The following PLD5 variants were observed in gnomAD, a reference collection of about 807,000 sequenced individuals.
PLD5 encodes the protein inactive phospholipase D5.
A neutral mutation model predicts 61.1 loss-of-function variants in PLD5; 36 were observed. That is an observed-to-expected ratio of 0.59 (90% confidence interval 0.45 to 0.78). PLD5 has a LOEUF of 0.78. PLD5 is among the 30% of genes least tolerant of loss of function. The probability of loss-of-function intolerance (pLI) is 0.00; values close to 1 mark genes in which losing one functional copy is unlikely to be tolerated. For missense variants in PLD5, 515 were observed against 644.4 expected (o/e 0.80, Z 2.17); for synonymous variants, 243 against 242.8 (o/e 1.00, Z -0.01).
intron 1 of PLD5, among the ~76,000 whole-genome samples, chr1:242,414,877 TC>T (rs1486866650): frequency 6.6e-6 from 1 of 152,160 alleles, no homozygotes; most frequent in Non-Finnish European, 1.5e-5. Flanking sequence ...GCTACTTGTA[TC>T]ACAGATGAAG....
chr1:242,409,406 T>A (rs540647490), intron 1 of PLD5, among the ~76,000 whole-genome samples: 14 of 152,138 alleles, frequency 9.2e-5, no homozygotes, highest in Admixed American at 3.3e-4. Flanking sequence ...TCTCACATTC[T>A]CATTTATCAC....
At chr1:242,490,405 T>G (rs1477899863) in intron 1 of PLD5, among the ~76,000 whole-genome samples, 1 of 152,200 alleles carries the variant, frequency 6.6e-6, no homozygotes, top group Admixed American at 6.5e-5. Context: ...TAATTATGTG[T>G]GCACATACAA....
chr1:242,091,824 C>CTT (rs11371948), intron 9 of PLD5, among the ~76,000 whole-genome samples: 194 of 144,652 alleles, frequency 1.3e-3, no homozygotes, highest in Non-Finnish European at 2.1e-3. Context: ...CTTTTCTTTT[C>CTT]TTTTTTTCTT....
At chr1:242,100,473 T>C (rs1660595568) in intron 9 of PLD5, among the ~76,000 whole-genome samples, 195 bp downstream of exon 9, 1 of 152,216 alleles carries the variant, frequency 6.6e-6, no homozygotes, top group African/African-American at 2.4e-5. Flanking sequence ...AGTACATAAA[T>C]CAGGCCATGG....
At chr1:242,275,350 A>ATATT (rs1401460345) in intron 3 of PLD5, among the ~76,000 whole-genome samples, 2 of 152,008 alleles carry the variant, frequency 1.3e-5, no homozygotes, top group African/African-American at 2.4e-5. Flanking sequence ...TATAAGATTG[A>ATATT]TATTTATTTA....
At chr1:242,200,246 G>A (rs747351750) in intron 5 of PLD5, among the ~76,000 whole-genome samples, 4 of 152,268 alleles carry the variant, frequency 2.6e-5, no homozygotes, top group South Asian at 2.1e-4. Context: ...AAATGCCTGC[G>A]TTGATTTCAA....
At chr1:242,474,976 G>A (rs1667544013) in intron 1 of PLD5, among the ~76,000 whole-genome samples, 1 of 152,204 alleles carries the variant, frequency 6.6e-6, no homozygotes, top group African/African-American at 2.4e-5. Context: ...TGAGCTTAGA[G>A]GGCAGAGCTG....
intron 1 of PLD5, among the ~76,000 whole-genome samples, chr1:242,409,605 C>T (rs988883095): frequency 9.9e-5 from 15 of 152,070 alleles, no homozygotes; most frequent in African/African-American, 3.4e-4. Context: ...GAAGCTCCCC[C>T]ATACAGAGAG....
chr1:242,404,054 C>A (rs1385806061), intron 1 of PLD5, among the ~76,000 whole-genome samples: 1 of 152,126 alleles, frequency 6.6e-6, no homozygotes, highest in Non-Finnish European at 1.5e-5. Flanking sequence ...AGGCCTTATG[C>A]CAGTGCTGGA....
chr1:242,275,344 A>C (rs1558421232), intron 3 of PLD5, among the ~76,000 whole-genome samples: 1 of 151,996 alleles, frequency 6.6e-6, no homozygotes, highest in Admixed American at 6.6e-5. Context: ...ATTTGCTATA[A>C]GATTGATATT....
chr1:242,285,723 T>C (rs2149133822), intron 3 of PLD5, among the ~76,000 whole-genome samples: 1 of 151,698 alleles, frequency 6.6e-6, no homozygotes, highest in African/African-American at 2.4e-5. Context: ...CTGGCTGAAA[T>C]TCTTCAGGCA....
At chr1:242,388,108 T>C (rs1333407053) in intron 1 of PLD5, among the ~76,000 whole-genome samples, 1 of 152,128 alleles carries the variant, frequency 6.6e-6, no homozygotes, top group Admixed American at 6.5e-5. Context: ...GATTTAACGT[T>C]GGAAACAAAA....
At chr1:242,142,244 G>T (rs1664223675) in intron 5 of PLD5, among the ~76,000 whole-genome samples, 1 of 152,216 alleles carries the variant, frequency 6.6e-6, no homozygotes, top group Non-Finnish European at 1.5e-5. Context: ...GCTGTAAAAG[G>T]TTTTGAAAAG....
chr1:242,420,978 G>A lies in PLD5; in HGVS notation c.190-72736C>T, dbSNP rs759424077. Among the ~76,000 whole-genome samples the A allele has an allele frequency of 6.1e-4, 92 of 151,930 alleles. 1 individual carries two copies. Among genetic ancestry groups the A allele is most frequent in the Non-Finnish European group, 1.0e-3 (69 of 67,994 alleles). On this transcript the variant is annotated intron_variant, in intron 1 of 9. Transcript: ENST00000536534. Reference sequence around the variant, plus strand: ...AGGCGGATCACGAGGTCAAGAGATCGAGTCCATCCTGACCAACATGGTGAA... The same window carrying A: ...AGGCGGATCACGAGGTCAAGAGATCAAGTCCATCCTGACCAACATGGTGAA...
At chr1:242,478,999 G>T (rs770174985) in intron 1 of PLD5, among the ~76,000 whole-genome samples, 1 of 152,164 alleles carries the variant, frequency 6.6e-6, no homozygotes, top group Admixed American at 6.5e-5. Flanking sequence ...TAATGATATT[G>T]TTTAATGGAA....
intron 3 of PLD5, among the ~76,000 whole-genome samples, chr1:242,270,782 G>C (rs1452804428): frequency 1.3e-5 from 2 of 152,174 alleles, no homozygotes; most frequent in Non-Finnish European, 2.9e-5. Context: ...GTATATGAGG[G>C]GAGAGGCCTC....
chr1:242,349,356 G>A (rs1371989775), intron 1 of PLD5, among the ~76,000 whole-genome samples: 1 of 152,160 alleles, frequency 6.6e-6, no homozygotes, highest in Non-Finnish European at 1.5e-5. Context: ...AATTCCAAAA[G>A]GGAGGAGGGC....
chr1:242,484,208 T>C (rs1667879360), intron 1 of PLD5, among the ~76,000 whole-genome samples: 1 of 151,782 alleles, frequency 6.6e-6, no homozygotes, highest in Admixed American at 6.6e-5. Context: ...ATAACTAAGA[T>C]CAGAGCAGAA....
chr1:242,419,389 T>TG (rs59810399), intron 1 of PLD5, among the ~76,000 whole-genome samples: 31,281 of 110,792 alleles, frequency 0.28, 3,729 homozygotes, highest in East Asian at 0.39. Context: ...GATTTTTGTT[T>TG]TTTTTTTTTT....
Sources: allele counts gnomAD v4.1 joint callset (sites outside exome capture counted in the v4.1 genomes callset), GRCh38; gene constraint gnomAD v4.1.1; transcripts MANE v1.5; gene names NCBI Gene and HGNC (gene_info 2026-07-23, HGNC 2026-07-21).